The following AFG1L variants were observed in gnomAD, a reference collection of about 807,000 sequenced individuals.
AFG1L encodes the protein AFG1 like ATPase.
In AFG1L, 53 loss-of-function variants were observed where a neutral mutation model predicts 62.2. The observed-to-expected ratio is 0.85, with a 90% CI of 0.68 to 1.07. The LOEUF (loss-of-function observed/expected upper bound fraction) is 1.07, where lower values mean the gene tolerates loss of function less well. Ranked by LOEUF, AFG1L falls within the 50% of genes least tolerant of loss-of-function variation. The probability of loss-of-function intolerance (pLI) is 0.00; values close to 1 mark genes in which losing one functional copy is unlikely to be tolerated. For synonymous variants in AFG1L, 228 were observed against 210.3 expected (o/e 1.08, Z -0.73); for missense variants, 555 against 590.5 (o/e 0.94, Z 0.62).
rs61654685 is a variant in AFG1L at position 108,500,171 on chromosome 6, CGTGTGTGTGT to C, written c.1063-10010_1063-10001del. Among the ~76,000 whole-genome samples the C allele has an allele frequency of 4.8e-3, 652 of 135,132 alleles. 12 individuals are homozygous for C. The East Asian group carries it at 0.058, about 12-fold the overall frequency. The allele number at this position is 135,132 out of a possible 152,430, so 88.7% of individuals were successfully genotyped here. On this transcript the variant is annotated intron_variant, in intron 10 of 12. Coordinates refer to ENST00000368977, the MANE Select transcript of AFG1L (RefSeq NM_145315.5). ...GCTGTGTAGTATTCCATGGTGCGTG[CGTGTGTGTGT>C]GTGTGTGTGTGTGTGTGTGTGTGTG...
chr6:108,296,754 C>T (rs891150022), intron 1 of AFG1L, among the ~76,000 whole-genome samples: 11 of 152,028 alleles, frequency 7.2e-5, no homozygotes, highest in Admixed American at 2.6e-4. Flanking sequence ...ATGTATATAC[C>T]ATGATTTATG....
chr6:108,504,781 A>C (rs1366523749), intron 10 of AFG1L, among the ~76,000 whole-genome samples: 1 of 152,250 alleles, frequency 6.6e-6, no homozygotes, highest in Non-Finnish European at 1.5e-5. Context: ...GAAGAGAAAA[A>C]CATGGATATT....
chr6:108,327,695 T>TG (rs1441676534), intron 2 of AFG1L, among the ~76,000 whole-genome samples: 1 of 152,224 alleles, frequency 6.6e-6, no homozygotes, highest in African/African-American at 2.4e-5. Flanking sequence ...TTTGGGGTGA[T>TG]GCAAGCATTG....
chr6:108,387,003 G>A (rs1780793417), intron 6 of AFG1L, among the ~76,000 whole-genome samples: 1 of 152,050 alleles, frequency 6.6e-6, no homozygotes, highest in Non-Finnish European at 1.5e-5. Flanking sequence ...ATAAAATCAT[G>A]GACCTAAATA....
At chr6:108,516,679 G>A (rs1206980237) in intron 11 of AFG1L, among the ~76,000 whole-genome samples, 1 of 152,132 alleles carries the variant, frequency 6.6e-6, no homozygotes, top group Non-Finnish European at 1.5e-5. Context: ...CAGAAATAAA[G>A]GGTATTCAAT....
chr6:108,444,584 T>C (rs1771684550), intron 7 of AFG1L, among the ~76,000 whole-genome samples: 1 of 152,264 alleles, frequency 6.6e-6, no homozygotes, highest in Non-Finnish European at 1.5e-5. Context: ...GCAGAATGGA[T>C]GTTATGTTAA....
At chr6:108,389,450 T>C (rs1395295889) in intron 6 of AFG1L, among the ~76,000 whole-genome samples, 1 of 152,258 alleles carries the variant, frequency 6.6e-6, no homozygotes, top group Non-Finnish European at 1.5e-5. Flanking sequence ...TGCTCGTTAG[T>C]GGATGCAGTT....
chr6:108,295,331 A>C, intron 1 of AFG1L, 113 bp downstream of exon 1: 1 of 1,259,094 alleles, frequency 7.9e-7, no homozygotes, highest in Non-Finnish European at 1.1e-6. Flanking sequence ...CACGAAGCTG[A>C]GGGCTCCTCG....
intron 7 of AFG1L, among the ~76,000 whole-genome samples, chr6:108,414,940 G>T (rs1041128601): frequency 6.6e-6 from 1 of 152,166 alleles, no homozygotes; most frequent in Admixed American, 6.5e-5. Flanking sequence ...GCAAGGGAAA[G>T]AAATAAAGGG....
intron 10 of AFG1L, among the ~76,000 whole-genome samples, chr6:108,495,013 G>A (rs1773922110): frequency 6.6e-6 from 1 of 151,810 alleles, no homozygotes; most frequent in Non-Finnish European, 1.5e-5. Flanking sequence ...GACCTCAAGT[G>A]ATCCACCCAT....
chr6:108,355,760 G>A lies in AFG1L; in HGVS notation c.517+5G>A, dbSNP rs754049596. 4 of 1,584,904 alleles carry A rather than the reference G, an allele frequency of 2.5e-6. No homozygotes were observed. The South Asian group carries it at 4.6e-5, about 18-fold the overall frequency. ...TCATGCTAGATGTGCACAAAAGTAAGCAATGATCTGAAAGAAGTGATTTTT... is the reference window on the plus strand; with the variant it reads ...TCATGCTAGATGTGCACAAAAGTAAACAATGATCTGAAAGAAGTGATTTTT... On this transcript the variant is annotated splice_donor_5th_base_variant and intron_variant, in intron 4 of 12. Transcript: ENST00000368977.
At chr6:108,494,662 C>A (rs1053771804) in intron 10 of AFG1L, among the ~76,000 whole-genome samples, 2 of 152,052 alleles carry the variant, frequency 1.3e-5, no homozygotes, top group African/African-American at 4.8e-5. Context: ...GTTTGGACTT[C>A]ATATTCGTGA....
intron 1 of AFG1L, among the ~76,000 whole-genome samples, chr6:108,319,248 A>T (rs766428125): frequency 1.2e-4 from 18 of 152,150 alleles, no homozygotes; most frequent in Non-Finnish European, 2.4e-4. Flanking sequence ...TAATTAATTA[A>T]TTAATTTGTT....
chr6:108,514,617 A>G (rs1173449027), intron 11 of AFG1L, among the ~76,000 whole-genome samples: 5 of 152,262 alleles, frequency 3.3e-5, no homozygotes, highest in Admixed American at 6.5e-5. Flanking sequence ...AGCTAACATC[A>G]TAATGACAGG....
At chr6:108,493,883 C>T (rs1398266950) in intron 10 of AFG1L, among the ~76,000 whole-genome samples, 1 of 152,152 alleles carries the variant, frequency 6.6e-6, no homozygotes, top group Non-Finnish European at 1.5e-5. Flanking sequence ...GTCACTCAGG[C>T]TGGAGTGCAG....
chr6:108,447,940 T>C (rs1228406358), intron 8 of AFG1L, among the ~76,000 whole-genome samples: 1 of 152,090 alleles, frequency 6.6e-6, no homozygotes, highest in Non-Finnish European at 1.5e-5. Context: ...ATGCCAACAG[T>C]GTTGGGCACA....
At chr6:108,442,704 T>C (rs1049674915) in intron 7 of AFG1L, among the ~76,000 whole-genome samples, 16 of 152,184 alleles carry the variant, frequency 1.1e-4, no homozygotes, top group Non-Finnish European at 1.5e-5. Flanking sequence ...ATAATCAAAA[T>C]GCTATACCTA....
intron 2 of AFG1L, among the ~76,000 whole-genome samples, chr6:108,325,343 G>A (rs1228425094): frequency 6.6e-6 from 1 of 151,666 alleles, no homozygotes; most frequent in Admixed American, 6.6e-5. Flanking sequence ...TATTTGTTAC[G>A]AGATATCTGA....
intron 2 of AFG1L, among the ~76,000 whole-genome samples, chr6:108,332,826 T>C (rs1461587734): frequency 1.3e-5 from 2 of 152,074 alleles, no homozygotes; most frequent in East Asian, 3.9e-4. Context: ...CGGCTGGTCT[T>C]AAACTCCTGG....
Sources: gnomAD v4.1 joint callset for allele counts (sites outside exome capture counted in the v4.1 genomes callset) on GRCh38, gnomAD v4.1.1 for gene constraint, MANE v1.5 for transcripts, NCBI Gene and HGNC (gene_info 2026-07-23, HGNC 2026-07-21) for gene names.